PIK3C2B: variants seen among roughly 807,000 people sequenced by gnomAD.
PIK3C2B encodes phosphatidylinositol-4-phosphate 3-kinase catalytic subunit type 2 beta, also known as phosphatidylinositol 4-phosphate 3-kinase C2 domain-containing subunit beta.
Under a neutral mutation model 184.3 loss-of-function variants are expected in PIK3C2B, and 83 were observed. The ratio of observed to expected loss-of-function variants is 0.45; its 90% confidence interval spans 0.38 to 0.54. The LOEUF is 0.54. Among genes scored for constraint, PIK3C2B ranks in the 20% least tolerant of loss-of-function variants. The pLI, the probability that PIK3C2B is intolerant of heterozygous loss-of-function variation, is 0.00. For synonymous variants in PIK3C2B, 779 were observed against 837.6 expected (o/e 0.93, Z 1.21); for missense variants, 1,736 against 2,113.5 (o/e 0.82, Z 3.50).
chr1:204,454,566 G>T, intron 12 of PIK3C2B, 103 bp downstream of exon 12: 1 of 1,217,346 alleles, frequency 8.2e-7, no homozygotes, highest in Non-Finnish European at 1.1e-6. Context: ...AAGGAGCCTG[G>T]TTTTATCATT....
intron 1 of PIK3C2B, among the ~76,000 whole-genome samples, chr1:204,490,667 T>C (rs1657946458): frequency 6.6e-6 from 1 of 151,722 alleles, no homozygotes; most frequent in African/African-American, 2.4e-5. Flanking sequence ...CTCATGCCCG[T>C]AATCCCAACA....
intron 16 of PIK3C2B, 129 bp downstream of exon 16, chr1:204,445,827 G>A: frequency 1.8e-6 from 1 of 556,454 alleles, no homozygotes; most frequent in Admixed American, 3.1e-5. Context: ...AAGGAGAAAT[G>A]GAAAATCCCT....
Position 204,433,645 on chromosome 1 carries a change from GT to G in PIK3C2B, c.3843+147del, listed in dbSNP as rs1260123656. On this transcript the variant is annotated intron_variant, in intron 25 of 32. Transcript: ENST00000684373. This position sits in a 1 kb window ranked among gnomAD's most constrained non-coding sequence, Gnocchi z 5.0. ...ACATCATTGTCCTCAGGTAGTCTGGGTCCCTGCCTTTATCTAGGGCAGGCAG... is the reference window on the plus strand; with the variant it reads ...ACATCATTGTCCTCAGGTAGTCTGGGCCCTGCCTTTATCTAGGGCAGGCAG... 2.4e-6 allele frequency: 2 copies of G among 822,338 alleles called. No individual in the cohort carries two copies. Among genetic ancestry groups the G allele is most frequent in the Non-Finnish European group, 4.0e-6 (2 of 499,004 alleles). 50.9% of individuals were successfully genotyped at this position (822,338 alleles called of 1,614,324 possible). A position where few individuals can be genotyped will look rare whatever the true frequency, so the allele number is the denominator to read the frequency against.
chr1:204,474,217 C>T (rs192121915), intron 1 of PIK3C2B, among the ~76,000 whole-genome samples: 2 of 152,264 alleles, frequency 1.3e-5, no homozygotes, highest in Non-Finnish European at 2.9e-5. Flanking sequence ...TCGCGAACTC[C>T]CGACCTCAGG....
intron 4 of PIK3C2B, 50 bp downstream of exon 4, chr1:204,464,400 C>A (rs1337275931): frequency 1.3e-6 from 2 of 1,555,174 alleles, no homozygotes; most frequent in South Asian, 2.3e-5. Context: ...ACAGTCATCC[C>A]CACCCCACTT....
At chr1:204,432,616 G>A (rs534062811) in intron 26 of PIK3C2B, among the ~76,000 whole-genome samples, 1 of 152,142 alleles carries the variant, frequency 6.6e-6, no homozygotes, top group South Asian at 2.1e-4. Flanking sequence ...CTCCTCCCCT[G>A]GCTGCCCACC....
At chr1:204,449,071 G>T in intron 14 of PIK3C2B, 114 bp downstream of exon 14, 1 of 742,396 alleles carries the variant, frequency 1.3e-6, no homozygotes. Context: ...ATCCTCCCAT[G>T]CTTGAAGTTC....
intron 5 of PIK3C2B, 48 bp from the exon 6 acceptor site, chr1:204,460,709 G>A (rs1374354397): frequency 8.3e-7 from 1 of 1,210,000 alleles, no homozygotes; most frequent in Non-Finnish European, 1.2e-6. Context: ...GGACTCAGTG[G>A]CAAGGGAGAT....
rs117289120 is a variant in PIK3C2B at position 204,441,623 on chromosome 1, G to A, written c.3157-60C>T. ...GTGGCCCATGCCAGGAAAGGAAAAC[G>A]ACCTCTCCACTTCAGACCAAGATGC... On this transcript the variant is annotated intron_variant, in intron 20 of 32. Transcript: ENST00000684373. 4.3e-4 allele frequency: 505 copies of A among 1,171,630 alleles called. 6 individuals carry two copies. The East Asian group carries it at 0.01, about 24-fold the overall frequency. The allele number at this position is 1,171,630 out of a possible 1,614,324, so 72.6% of individuals were successfully genotyped here.
At chr1:204,442,494 C>G in intron 20 of PIK3C2B, 32 bp downstream of exon 20, 2 of 1,448,016 alleles carry the variant, frequency 1.4e-6, no homozygotes, top group South Asian at 1.2e-5. Flanking sequence ...AGCCCTCCCA[C>G]TCTGAGAGCC....
intron 29 of PIK3C2B, among the ~76,000 whole-genome samples, chr1:204,429,380 T>C (rs899431827): frequency 6.6e-6 from 1 of 152,240 alleles, no homozygotes; most frequent in Non-Finnish European, 1.5e-5. Context: ...ATAGCATATG[T>C]ATACTATAAA....
intron 1 of PIK3C2B, among the ~76,000 whole-genome samples, chr1:204,477,761 C>G (rs1558280229): frequency 1.3e-5 from 2 of 152,280 alleles, no homozygotes; most frequent in East Asian, 3.9e-4. Flanking sequence ...CTTCCCCATA[C>G]CCTGAGCCAC....
chr1:204,449,105 G>T (rs1654124205), intron 14 of PIK3C2B, 80 bp downstream of exon 14: 3 of 1,006,468 alleles, frequency 3.0e-6, no homozygotes, highest in Non-Finnish European at 4.6e-6. Context: ...TGCTGTCCCA[G>T]CCCAAATCTC....
rs1558263534 is a variant in PIK3C2B, at chr1:204,462,422, C to CTTA, written c.1310+1589_1310+1590insTAA. 5.0e-3 allele frequency among the ~76,000 whole-genome samples: 755 copies of CTTA among 152,318 alleles called. 10 individuals are homozygous for CTTA. Among genetic ancestry groups the CTTA allele is most frequent in the African/African-American group, 0.018 (732 of 41,566 alleles). ...ACCCTCACTGCAGCTTACAGAGGGCCCTGAGCATCAATCAGCCTTCACAAC... is the reference window on the plus strand; with the variant it reads ...ACCCTCACTGCAGCTTACAGAGGGCCTTACTGAGCATCAATCAGCCTTCACAAC... On this transcript the variant is annotated intron_variant, in intron 5 of 32. Transcript: ENST00000684373.
intron 7 of PIK3C2B, 88 bp downstream of exon 7, chr1:204,460,236 G>A: frequency 1.8e-6 from 2 of 1,082,058 alleles, no homozygotes; most frequent in South Asian, 1.3e-5. Context: ...GAATCCCTTA[G>A]CCCTGACAGA....
At chr1:204,429,890 G>T in intron 29 of PIK3C2B, 31 bp downstream of exon 29, 1 of 1,407,420 alleles carries the variant, frequency 7.1e-7, no homozygotes. Flanking sequence ...CACCAGCCTG[G>T]ACAGCCAGGA....
intron 11 of PIK3C2B, among the ~76,000 whole-genome samples, chr1:204,455,382 G>A (rs1368840288): frequency 6.6e-6 from 1 of 152,166 alleles, no homozygotes; most frequent in Non-Finnish European, 1.5e-5. Flanking sequence ...TATTCCCTCA[G>A]GCCTTGGATG....
At chr1:204,442,326 A>G (rs983399562) in intron 20 of PIK3C2B, among the ~76,000 whole-genome samples, 200 bp downstream of exon 20, 1 of 152,170 alleles carries the variant, frequency 6.6e-6, no homozygotes, top group African/African-American at 2.4e-5. Flanking sequence ...GAGAGACAGG[A>G]TAACATAATC....
chr1:204,481,698 G>A (rs898664723), intron 1 of PIK3C2B, among the ~76,000 whole-genome samples: 1 of 152,212 alleles, frequency 6.6e-6, no homozygotes, highest in Non-Finnish European at 1.5e-5. Flanking sequence ...GCAGGCTGAG[G>A]GCACTCAGGC....
Sources: allele counts gnomAD v4.1 joint callset (sites outside exome capture counted in the v4.1 genomes callset), GRCh38; gene constraint gnomAD v4.1.1; non-coding constraint Gnocchi (gnomAD v3.1); transcripts MANE v1.5; gene names NCBI Gene and HGNC (gene_info 2026-07-23, HGNC 2026-07-21).